Variants in FCHSD2 observed in about 807,000 individuals in gnomAD.
FCHSD2 encodes the protein F-BAR and double SH3 domains protein 2.
Under a neutral mutation model 108.1 loss-of-function variants are expected in FCHSD2, and 38 were observed. The observed-to-expected ratio is 0.35, with a 90% CI of 0.27 to 0.46. The LOEUF is 0.46. Ranked by LOEUF, FCHSD2 falls within the 20% of genes least tolerant of loss-of-function variation. The pLI is 1.00. For missense variants in FCHSD2, 751 were observed against 897.8 expected (o/e 0.84, Z 2.09); for synonymous variants, 279 against 314.7 (o/e 0.89, Z 1.20).
At chr11:73,119,842 A>G (rs1860690161) in intron 2 of FCHSD2, among the ~76,000 whole-genome samples, 1 of 152,238 alleles carries the variant, frequency 6.6e-6, no homozygotes, top group Admixed American at 6.5e-5. Flanking sequence ...CCATAAATAT[A>G]CAAGGATGTA....
chr11:72,993,352 G>A (rs1463859503), intron 5 of FCHSD2, among the ~76,000 whole-genome samples: 5 of 152,090 alleles, frequency 3.3e-5, no homozygotes, highest in Admixed American at 1.3e-4. Flanking sequence ...TCAGTGTGGC[G>A]ATTCCTCAGG....
intron 2 of FCHSD2, among the ~76,000 whole-genome samples, chr11:73,120,321 A>C (rs890453336): frequency 2.0e-5 from 3 of 152,228 alleles, no homozygotes; most frequent in African/African-American, 7.2e-5. Flanking sequence ...AAGGAAAATA[A>C]AACTTGACTT....
chr11:72,859,811 C>G (rs1447264308), intron 13 of FCHSD2, among the ~76,000 whole-genome samples: 2 of 152,186 alleles, frequency 1.3e-5, no homozygotes, highest in Admixed American at 1.3e-4. Flanking sequence ...ATCCTCAGAA[C>G]TCACACAGGT....
At chr11:72,862,755 C>T (rs1326443473) in intron 13 of FCHSD2, among the ~76,000 whole-genome samples, 2 of 152,044 alleles carry the variant, frequency 1.3e-5, no homozygotes, top group African/African-American at 4.8e-5. Context: ...TGCAAAGGAC[C>T]TAGAATACCC....
intron 12 of FCHSD2, among the ~76,000 whole-genome samples, chr11:72,886,545 C>T (rs2135243886): frequency 6.6e-6 from 1 of 152,258 alleles, no homozygotes; most frequent in East Asian, 1.9e-4. Flanking sequence ...TTCTTTATGC[C>T]TTTCTAACAA....
At chr11:73,034,336 A>G (rs1041753382) in intron 3 of FCHSD2, among the ~76,000 whole-genome samples, 2 of 152,364 alleles carry the variant, frequency 1.3e-5, no homozygotes, top group Non-Finnish European at 2.9e-5. Flanking sequence ...ACTTCAAAAC[A>G]TGAAGCTAGA....
At chr11:72,852,245 A>G (rs1861311137) in intron 13 of FCHSD2, among the ~76,000 whole-genome samples, 1 of 152,156 alleles carries the variant, frequency 6.6e-6, no homozygotes, top group Non-Finnish European at 1.5e-5. Context: ...ACGTTATGGA[A>G]AAAAGGGACG....
At chr11:72,882,326 C>A (rs1230239866) in intron 12 of FCHSD2, among the ~76,000 whole-genome samples, 1 of 151,928 alleles carries the variant, frequency 6.6e-6, no homozygotes, top group Admixed American at 6.6e-5. Flanking sequence ...CCACTGCACT[C>A]CAGCCTGGGT....
intron 1 of FCHSD2, 112 bp from the exon 2 acceptor site, chr11:73,140,240 G>A (rs897378708): frequency 5.5e-6 from 3 of 544,484 alleles, no homozygotes; most frequent in Non-Finnish European, 9.7e-6. Flanking sequence ...TCCCCTGAAG[G>A]CCATAAATCC....
intron 9 of FCHSD2, among the ~76,000 whole-genome samples, chr11:72,917,990 G>C (rs997655773): frequency 6.6e-6 from 1 of 151,978 alleles, no homozygotes. Flanking sequence ...ATCACTTTGG[G>C]GAATATTACA....
chr11:72,892,575 T>C (rs1855337209), intron 10 of FCHSD2, among the ~76,000 whole-genome samples: 1 of 152,076 alleles, frequency 6.6e-6, no homozygotes, highest in African/African-American at 2.4e-5. Flanking sequence ...GGATCTAGTA[T>C]AGATAATTAT....
At chr11:73,100,403 GC>G (rs1402614024) in intron 2 of FCHSD2, among the ~76,000 whole-genome samples, 1 of 151,966 alleles carries the variant, frequency 6.6e-6, no homozygotes, top group Non-Finnish European at 1.5e-5. Flanking sequence ...CACTCTTGTT[GC>G]CCAGGCTGGA....
chr11:72,846,768 T>C (rs1861156878), intron 14 of FCHSD2, among the ~76,000 whole-genome samples: 1 of 152,176 alleles, frequency 6.6e-6, no homozygotes, highest in South Asian at 2.1e-4. Context: ...CCTGATTATA[T>C]CATACATGTT....
chr11:73,016,135 T>C (rs1276091221), intron 3 of FCHSD2, among the ~76,000 whole-genome samples: 1 of 152,004 alleles, frequency 6.6e-6, no homozygotes, highest in Non-Finnish European at 1.5e-5. Flanking sequence ...AAAATCTATC[T>C]CTACCAAAAA....
intron 8 of FCHSD2, among the ~76,000 whole-genome samples, chr11:72,930,801 AGGGTAGTAG>A (rs1856173516): frequency 6.6e-6 from 1 of 152,222 alleles, no homozygotes; most frequent in African/African-American, 2.4e-5. Flanking sequence ...TAATTTTTAA[AGGGTAGTAG>A]GGGTTGAGGA....
intron 8 of FCHSD2, among the ~76,000 whole-genome samples, chr11:72,936,821 C>A (rs1290000554): frequency 6.6e-6 from 1 of 152,100 alleles, no homozygotes; most frequent in South Asian, 2.1e-4. Flanking sequence ...AGATATCATT[C>A]TCATACTTCC....
intron 8 of FCHSD2, among the ~76,000 whole-genome samples, chr11:72,971,996 A>C (rs1857015250): frequency 6.6e-6 from 1 of 152,232 alleles, no homozygotes; most frequent in African/African-American, 2.4e-5. Context: ...GTCAAAACTC[A>C]ACCAACCCTA....
intron 3 of FCHSD2, among the ~76,000 whole-genome samples, chr11:73,069,995 A>T (rs1203779277): frequency 6.6e-6 from 1 of 152,254 alleles, no homozygotes; most frequent in Non-Finnish European, 1.5e-5. Context: ...GAATGCACAT[A>T]CATGGGCTTG....
At chr11:73,084,961 A>G (rs77983294) in intron 2 of FCHSD2, among the ~76,000 whole-genome samples, 6 of 141,932 alleles carry the variant, frequency 4.2e-5, no homozygotes, top group African/African-American at 7.8e-5. Context: ...AAGAAGGAGG[A>G]AAAAAAAAAA....
Sources: gnomAD v4.1 joint callset for allele counts (sites outside exome capture counted in the v4.1 genomes callset) on GRCh38, gnomAD v4.1.1 for gene constraint, MANE v1.5 for transcripts, NCBI Gene and HGNC (gene_info 2026-07-23, HGNC 2026-07-21) for gene names.